The following CSMD1 variants were observed in gnomAD, a reference collection of about 807,000 sequenced individuals.
The protein encoded by CSMD1 is CUB and Sushi multiple domains 1.
In CSMD1, 213 loss-of-function variants were observed where a neutral mutation model predicts 417.5. That is an observed-to-expected ratio of 0.51 (90% CI 0.46 to 0.57). CSMD1 has a LOEUF of 0.57. Among genes scored for constraint, CSMD1 ranks in the 20% least tolerant of loss-of-function variants. CSMD1 has a pLI of 0.00. For synonymous variants in CSMD1, 2,862 were observed against 1,736.8 expected, an observed-to-expected ratio of 1.65 and a Z score of -16.11; for missense variants, 6,923 against 4,529.7, an observed-to-expected ratio of 1.53 and a Z score of -15.17.
chr8:4,126,923 C>A (rs746349530), intron 3 of CSMD1, among the ~76,000 whole-genome samples: 1 of 152,126 alleles, frequency 6.6e-6, no homozygotes, highest in Non-Finnish European at 1.5e-5. Flanking sequence ...CACGCCCACA[C>A]AGACTCTGCT....
At chr8:4,880,524 G>A (rs964126460) in intron 1 of CSMD1, among the ~76,000 whole-genome samples, 1 of 152,018 alleles carries the variant, frequency 6.6e-6, no homozygotes, top group East Asian at 1.9e-4. Context: ...CCCTTTAAAT[G>A]TCACCTTTTC....
At chr8:3,812,837 T>G (rs1469961891) in intron 5 of CSMD1, among the ~76,000 whole-genome samples, 1 of 152,182 alleles carries the variant, frequency 6.6e-6, no homozygotes, top group Non-Finnish European at 1.5e-5. Flanking sequence ...TTTGAAACAT[T>G]TATTTCATCA....
At chr8:4,217,787 G>A (rs1156417071) in intron 3 of CSMD1, among the ~76,000 whole-genome samples, 1 of 152,152 alleles carries the variant, frequency 6.6e-6, no homozygotes, top group African/African-American at 2.4e-5. Context: ...GTTGGGCTAA[G>A]AGACCACAGA....
chr8:4,039,631 G>A (rs936005524), intron 3 of CSMD1, among the ~76,000 whole-genome samples: 5 of 152,196 alleles, frequency 3.3e-5, no homozygotes, highest in South Asian at 2.1e-4. Context: ...CAGTGAAAGA[G>A]AAGGACCTCA....
At chr8:3,313,181 G>C (rs1442878384) in intron 23 of CSMD1, among the ~76,000 whole-genome samples, 1 of 152,082 alleles carries the variant, frequency 6.6e-6, no homozygotes, top group Non-Finnish European at 1.5e-5. Flanking sequence ...AGAAAACCTA[G>C]GCAATACCAT....
chr8:4,885,046 A>G (rs1230548555), intron 1 of CSMD1, among the ~76,000 whole-genome samples: 1 of 152,104 alleles, frequency 6.6e-6, no homozygotes, highest in Admixed American at 6.5e-5. Context: ...TTCAGAGTAT[A>G]AATTTGAACT....
chr8:4,606,315 C>A (rs1362503579), intron 2 of CSMD1, among the ~76,000 whole-genome samples: 2 of 151,526 alleles, frequency 1.3e-5, no homozygotes, highest in African/African-American at 2.4e-5. Flanking sequence ...TAAATGATTT[C>A]TTTGTGGACT....
chr8:4,077,301 A>ATG (rs1554439889), intron 3 of CSMD1, among the ~76,000 whole-genome samples: 28 of 73,538 alleles, frequency 3.8e-4, no homozygotes, highest in African/African-American at 9.8e-4. Context: ...ATATGTGTAT[A>ATG]TATATATATA....
intron 2 of CSMD1, among the ~76,000 whole-genome samples, chr8:4,636,280 G>T (rs560743563): frequency 6.6e-6 from 1 of 151,978 alleles, no homozygotes; most frequent in Non-Finnish European, 1.5e-5. Context: ...AGATACAGAC[G>T]TACAGGTATA....
At chr8:4,379,924 G>A (rs79773137) in intron 3 of CSMD1, among the ~76,000 whole-genome samples, 11,559 of 152,164 alleles carry the variant, frequency 0.076, 562 homozygotes, top group Non-Finnish European at 0.11. Context: ...CTCCATGAGC[G>A]CGGCCAGCAT....
chr8:4,856,051 G>C lies in CSMD1; in HGVS notation c.85+138281C>G, dbSNP rs560133211. On this transcript the variant is annotated intron_variant, in intron 1 of 69. Transcript: ENST00000635120. ...TACCCTCAAAAGGAAGCCCATCAGA[G>C]TAACAGCGGATCTCTCGACAGAAAC... Among the ~76,000 whole-genome samples the C allele has an allele frequency of 1.6e-3, 248 of 152,272 alleles. 1 individual carries two copies. The highest frequency in any genetic ancestry group is 6.8e-3 in the Middle Eastern group (2 of 294).
intron 1 of CSMD1, among the ~76,000 whole-genome samples, chr8:4,810,694 T>C (rs1337522976): frequency 1.3e-5 from 2 of 152,226 alleles, no homozygotes; most frequent in Non-Finnish European, 2.9e-5. Context: ...CCAATGTCAA[T>C]GAGATTCCGT....
chr8:3,655,565 G>C (rs986261375), intron 7 of CSMD1, among the ~76,000 whole-genome samples: 1 of 151,940 alleles, frequency 6.6e-6, no homozygotes, highest in Non-Finnish European at 1.5e-5. Flanking sequence ...AAGGTACCAA[G>C]AGAGAACCCC....
At chr8:3,147,841 G>A (rs1322506624) in intron 40 of CSMD1, among the ~76,000 whole-genome samples, 1 of 152,170 alleles carries the variant, frequency 6.6e-6, no homozygotes, top group East Asian at 1.9e-4. Flanking sequence ...AGTAGTGATA[G>A]CAATGCACCA....
intron 52 of CSMD1, among the ~76,000 whole-genome samples, chr8:3,015,897 C>A (rs1808788254): frequency 6.6e-6 from 1 of 152,180 alleles, no homozygotes; most frequent in African/African-American, 2.4e-5. Flanking sequence ...CCAGGCAGAA[C>A]TAAGGCACAA....
At chr8:3,818,942 C>T (rs1214437147) in intron 5 of CSMD1, among the ~76,000 whole-genome samples, 1 of 152,160 alleles carries the variant, frequency 6.6e-6, no homozygotes, top group Non-Finnish European at 1.5e-5. Context: ...TCACACCCTT[C>T]TTCTAAGGGG....
chr8:4,090,104 G>A (rs1211500547), intron 3 of CSMD1, among the ~76,000 whole-genome samples: 1 of 152,132 alleles, frequency 6.6e-6, no homozygotes, highest in African/African-American at 2.4e-5. Context: ...TACACCTTTT[G>A]CTATGTTTAA....
chr8:4,378,010 C>T (rs757812749), intron 3 of CSMD1, among the ~76,000 whole-genome samples: 8 of 152,196 alleles, frequency 5.3e-5, no homozygotes, highest in Non-Finnish European at 1.0e-4. Flanking sequence ...ATTTGTAATT[C>T]CTTTATTTGT....
intron 1 of CSMD1, among the ~76,000 whole-genome samples, chr8:4,710,574 G>A (rs1045064759): frequency 2.0e-5 from 3 of 150,920 alleles, no homozygotes; most frequent in African/African-American, 4.9e-5. Context: ...TTCTGGGTGC[G>A]GTGGCTCACG....
Sources: gnomAD v4.1 joint callset for allele counts (sites outside exome capture counted in the v4.1 genomes callset) on GRCh38, gnomAD v4.1.1 for gene constraint, MANE v1.5 for transcripts, NCBI Gene and HGNC (gene_info 2026-07-23, HGNC 2026-07-21) for gene names.